The following CD200R1L variants were observed in gnomAD, a reference collection of about 807,000 sequenced individuals.
CD200R1L encodes CD200 receptor 1 like.
CD200R1L carries 14 observed loss-of-function variants against 24.8 expected under a neutral mutation model. The ratio of observed to expected loss-of-function variants is 0.56; its 90% CI spans 0.37 to 0.88. The LOEUF is 0.88. Ranked by LOEUF, CD200R1L falls within the 40% of genes least tolerant of loss-of-function variation. The pLI is 0.00. For synonymous variants in CD200R1L, 111 were observed against 109.2 expected (o/e 1.02, Z -0.11); for missense variants, 299 against 297.8 (o/e 1.00, Z -0.03).
chr3:112,817,434 A>G (rs546340981), intron 7 of CD200R1L, among the ~76,000 whole-genome samples: 1 of 152,278 alleles, frequency 6.6e-6, no homozygotes, highest in East Asian at 1.9e-4. Context: ...GAACTAACCA[A>G]TGGAATGTGA....
intron 2 of CD200R1L, among the ~76,000 whole-genome samples, chr3:112,841,539 G>A (rs985768823): frequency 1.3e-5 from 2 of 152,168 alleles, no homozygotes; most frequent in African/African-American, 4.8e-5. Context: ...ACAGCCATAT[G>A]CAGTCATCGC....
At chr3:112,818,944 G>A (rs559987785) in intron 7 of CD200R1L, among the ~76,000 whole-genome samples, 3 of 152,256 alleles carry the variant, frequency 2.0e-5, no homozygotes, top group African/African-American at 7.2e-5. Flanking sequence ...GACTGAGACC[G>A]GGTAATTTAC....
At chr3:112,844,750 C>G (rs1353602273) in intron 2 of CD200R1L, among the ~76,000 whole-genome samples, 1 of 151,922 alleles carries the variant, frequency 6.6e-6, no homozygotes, top group Non-Finnish European at 1.5e-5. Flanking sequence ...ATGGTAAAAC[C>G]CTGACTCTAC....
intron 2 of CD200R1L, chr3:112,841,208 C>T (rs925166016): frequency 2.4e-6 from 1 of 420,828 alleles, no homozygotes; most frequent in Non-Finnish European, 4.8e-6. Flanking sequence ...AGAGTTCTCA[C>T]AAGATCTGCT....
chr3:112,845,504 G>A (rs1227920478), intron 2 of CD200R1L, among the ~76,000 whole-genome samples, 175 bp downstream of exon 2: 1 of 152,162 alleles, frequency 6.6e-6, no homozygotes. Context: ...CACCTAGTCA[G>A]TACACCACTG....
At chr3:112,821,616 G>GCACAGAT (rs1553760374) in intron 6 of CD200R1L, among the ~76,000 whole-genome samples, 1 of 151,908 alleles carries the variant, frequency 6.6e-6, no homozygotes, top group Non-Finnish European at 1.5e-5. Flanking sequence ...TTGGAGAAAG[G>GCACAGAT]CACAGATCAC....
chr3:112,828,520 A>G (rs1001310793), intron 4 of CD200R1L, among the ~76,000 whole-genome samples: 1 of 152,166 alleles, frequency 6.6e-6, no homozygotes, highest in African/African-American at 2.4e-5. Context: ...TTTTATTGCA[A>G]ATTGGTGACA....
chr3:112,833,534 C>A lies in CD200R1L; in HGVS notation c.-17-4150G>T, dbSNP rs183849128. 5.3e-5 allele frequency among the ~76,000 whole-genome samples: 8 copies of A among 152,258 alleles called. No homozygotes were observed. In the East Asian group the frequency reaches 1.5e-3, roughly 29 times the overall value. On this transcript the variant is annotated intron_variant, in intron 3 of 7. Coordinates refer to ENST00000488794, the MANE Select transcript of CD200R1L (RefSeq NM_001199215.3). ...AAATGATCAGGCTCCTAAAACAACC[C>A]ATTATAAGCTGCATACTATTAGACC... is the stretch of plus-strand genomic sequence containing the variant.
At chr3:112,821,280 C>T (rs1194443396) in intron 6 of CD200R1L, among the ~76,000 whole-genome samples, 1 of 152,098 alleles carries the variant, frequency 6.6e-6, no homozygotes, top group African/African-American at 2.4e-5. Flanking sequence ...TATAATCCAA[C>T]TGGAGAAGTC....
Position 112,829,315 on chromosome 3 carries a change from T to C in CD200R1L, c.49+4A>G. On this transcript the variant is annotated splice_donor_region_variant and intron_variant, in intron 4 of 7. Transcript: ENST00000488794. The stretch of plus-strand genomic sequence containing the variant: ...TGCTGGCCACTACTAAGGGAGCATA[T>C]TACCTTCTGCAAAAATTGTTGAATA... 6.2e-7 allele frequency: 1 copy of C among 1,612,246 alleles called. No individual in the cohort carries two copies. The highest frequency in any genetic ancestry group is 8.5e-7 in the Non-Finnish European group (1 of 1,178,242).
rs1379236946 is a variant in CD200R1L at position 112,815,717 on chromosome 3, G to A, written c.*246C>T. The A allele has an allele frequency of 2.1e-6, 1 of 468,868 alleles. No homozygotes were observed. The highest frequency in any genetic ancestry group is 2.0e-5 in the African/African-American group (1 of 50,398). The allele number at this position is 468,868 out of a possible 1,614,324, so 29.0% of individuals were successfully genotyped here. A position where few individuals can be genotyped will look rare whatever the true frequency, so the allele number is the denominator to read the frequency against. On this transcript the variant is annotated 3_prime_UTR_variant, in exon 8 of 8. Transcript: ENST00000488794. Reference sequence around the variant, plus strand: ...GTAAAACCAAAAATAACACTGGCATGAACAAAATTTTATTCACTCTAACAC... The same window carrying A: ...GTAAAACCAAAAATAACACTGGCATAAACAAAATTTTATTCACTCTAACAC...
intron 3 of CD200R1L, among the ~76,000 whole-genome samples, chr3:112,834,946 C>T (rs910888810): frequency 5.3e-5 from 8 of 152,312 alleles, no homozygotes; most frequent in African/African-American, 1.9e-4. Flanking sequence ...ACTGCAGAGC[C>T]CTAAAAGGGT....
intron 6 of CD200R1L, among the ~76,000 whole-genome samples, chr3:112,820,318 T>C (rs1056379326): frequency 1.3e-5 from 2 of 152,262 alleles, no homozygotes; most frequent in African/African-American, 2.4e-5. Context: ...TAAGTTGATG[T>C]AACCTCTTTA....
chr3:112,819,824 C>T lies in CD200R1L; in HGVS notation c.688G>A (p.Val230Ile). ...ILYVKLSLFVVILVTTGFVFF... is the reference protein window; with the variant it reads ...ILYVKLSLFVIILVTTGFVFF... Reference sequence around the variant, plus strand: ...ACAAATCCTGTGGTGACCAGAATGACCACAAAAAGAGAGAGTTTCACATAA... The same window carrying T: ...ACAAATCCTGTGGTGACCAGAATGATCACAAAAAGAGAGAGTTTCACATAA... The change falls in exon 7 of 8, where the codon GTC becomes ATC. Residue 230 changes from valine (V) to isoleucine (I), a missense_variant. Coordinates refer to ENST00000488794, the MANE Select transcript of CD200R1L (RefSeq NM_001199215.3). 6.2e-7 allele frequency: 1 copy of T among 1,611,000 alleles called. No individual in the cohort carries two copies. Among genetic ancestry groups the T allele is most frequent in the Non-Finnish European group, 8.5e-7 (1 of 1,178,930 alleles).
chr3:112,823,047 G>T (rs1938574777), intron 6 of CD200R1L, among the ~76,000 whole-genome samples: 1 of 152,128 alleles, frequency 6.6e-6, no homozygotes, highest in South Asian at 2.1e-4. Context: ...AAACTGTACA[G>T]AAAAGAAAAC....
At chr3:112,841,282 C>T (rs776215333) in intron 2 of CD200R1L, 1 of 451,796 alleles carries the variant, frequency 2.2e-6, no homozygotes, top group Non-Finnish European at 4.4e-6. Context: ...CTTGCTTCCC[C>T]TTCACATTTC....
At chr3:112,816,831 A>T (rs1221759609) in intron 7 of CD200R1L, among the ~76,000 whole-genome samples, 1 of 152,224 alleles carries the variant, frequency 6.6e-6, no homozygotes, top group Non-Finnish European at 1.5e-5. Context: ...TGCTGTTCTC[A>T]TGGTAGTGAA....
intron 3 of CD200R1L, among the ~76,000 whole-genome samples, chr3:112,834,785 T>A (rs1938892802): frequency 1.3e-5 from 2 of 152,186 alleles, no homozygotes; most frequent in Admixed American, 6.5e-5. Flanking sequence ...ATCCAACCAC[T>A]GCACACAGCC....
rs774274122 is a variant in CD200R1L at position 112,845,735 on chromosome 3, G to A, written c.-143C>T. 237 of 1,611,446 alleles carry A rather than the reference G, an allele frequency of 1.5e-4. No homozygotes were observed. Among genetic ancestry groups the A allele is most frequent in the South Asian group, 1.9e-4 (17 of 90,940 alleles). ...TCTTGGAGCTGACATCTTCCCTAAA[G>A]TATGCTTTTGGAGTGGTTTTCTACT... On this transcript the variant is annotated 5_prime_UTR_variant, in exon 2 of 8. Transcript: ENST00000488794.
Sources: gnomAD v4.1 joint callset for allele counts (sites outside exome capture counted in the v4.1 genomes callset) on GRCh38, gnomAD v4.1.1 for gene constraint, MANE v1.5 for transcripts, NCBI Gene and HGNC (gene_info 2026-07-23, HGNC 2026-07-21) for gene names.